Variants in RARB observed in about 807,000 individuals in gnomAD.
RARB encodes the protein HBV-activated protein.
RARB carries 17 observed loss-of-function variants against 51.9 expected under a neutral mutation model. The ratio of observed to expected loss-of-function variants is 0.33; its 90% confidence interval spans 0.22 to 0.49. The LOEUF (loss-of-function observed/expected upper bound fraction) is 0.49. Among genes scored for constraint, RARB ranks in the 20% least tolerant of loss-of-function variants. RARB has a pLI of 0.99. For synonymous variants in RARB, 215 were observed against 195.4 expected (o/e 1.10, Z -0.84); for missense variants, 369 against 550.8 (o/e 0.67, Z 3.30).
At chr3:24,941,571 C>T (rs899080320) in intron 2 of RARB, among the ~76,000 whole-genome samples, 2 of 151,992 alleles carry the variant, frequency 1.3e-5, no homozygotes, top group Admixed American at 6.6e-5. Flanking sequence ...GGTTTCCCCA[C>T]GTTGGCCAGG....
intron 5 of RARB, among the ~76,000 whole-genome samples, chr3:25,418,571 T>A (rs1407301775): frequency 1.3e-5 from 2 of 152,050 alleles, no homozygotes; most frequent in Non-Finnish European, 2.9e-5. Context: ...AGGTCTACCA[T>A]TTCTAGCCTC....
chr3:25,053,595 A>G (rs188358319), intron 2 of RARB, among the ~76,000 whole-genome samples: 1 of 152,186 alleles, frequency 6.6e-6, no homozygotes, highest in East Asian at 1.9e-4. Context: ...TGTGGAGGAA[A>G]ACAGTTACAA....
chr3:25,296,590 A>T (rs889462118), intron 5 of RARB, among the ~76,000 whole-genome samples: 1 of 152,210 alleles, frequency 6.6e-6, no homozygotes, highest in African/African-American at 2.4e-5. Flanking sequence ...TATTGTAATT[A>T]TTCAGTGGTA....
chr3:25,116,749 T>G (rs1375358023), intron 3 of RARB, among the ~76,000 whole-genome samples: 1 of 152,070 alleles, frequency 6.6e-6, no homozygotes, highest in African/African-American at 2.4e-5. Context: ...AACCAAAGCC[T>G]GCCTTTAAGT....
intron 2 of RARB, among the ~76,000 whole-genome samples, chr3:24,981,140 G>A (rs1435559585): frequency 6.6e-6 from 1 of 152,176 alleles, no homozygotes; most frequent in Non-Finnish European, 1.5e-5. Flanking sequence ...TCTTATGGAA[G>A]CTTCGTCCCA....
rs541235838 is a variant in RARB at position 25,168,210 on chromosome 3, T to C, written c.-279-5909T>C. Among the ~76,000 whole-genome samples the C allele has an allele frequency of 9.2e-5, 14 of 151,808 alleles. 1 individual carries two copies. In the South Asian group the frequency reaches 2.9e-3, roughly 32 times the overall value. ...TAAAACACTGAAAAGGACATTTCTCTTTTTTTTGTCTTTTTCTTTTTCTTT... is the reference window on the plus strand; with the variant it reads ...TAAAACACTGAAAAGGACATTTCTCCTTTTTTTGTCTTTTTCTTTTTCTTT... On this transcript the variant is annotated intron_variant, in intron 4 of 11. Coordinates refer to the RARB transcript ENST00000383772.
chr3:25,284,825 T>C (rs1703610382), intron 5 of RARB, among the ~76,000 whole-genome samples: 1 of 152,146 alleles, frequency 6.6e-6, no homozygotes, highest in Admixed American at 6.5e-5. Flanking sequence ...ATGCCAAAGC[T>C]AGGTACACAG....
chr3:24,953,982 A>G (rs943885820), intron 2 of RARB, among the ~76,000 whole-genome samples: 2 of 152,144 alleles, frequency 1.3e-5, no homozygotes, highest in African/African-American at 4.8e-5. Flanking sequence ...GAGCGCTCAG[A>G]TGAGTTTTGT....
At chr3:25,262,492 G>C (rs531423810) in intron 5 of RARB, among the ~76,000 whole-genome samples, 1 of 152,176 alleles carries the variant, frequency 6.6e-6, no homozygotes, top group African/African-American at 2.4e-5. Flanking sequence ...AGCAGGGCTC[G>C]TTCCTTTCTG....
chr3:24,849,725 G>A (rs1468049154), intron 1 of RARB, among the ~76,000 whole-genome samples: 1 of 152,234 alleles, frequency 6.6e-6, no homozygotes, highest in African/African-American at 2.4e-5. Context: ...ATGCTTGCAG[G>A]CCATTTTGAG....
chr3:25,442,116 TTTTATTTATTTATTTA>T (rs148774111), intron 1 of RARB, among the ~76,000 whole-genome samples: 7 of 147,744 alleles, frequency 4.7e-5, no homozygotes, highest in African/African-American at 1.5e-4. Flanking sequence ...TTTATTTTAT[TTTTATTTATTTATTTA>T]TTTATTTATT....
chr3:25,501,444 A>G, intron 3 of RARB, 121 bp downstream of exon 3: 1 of 1,218,656 alleles, frequency 8.2e-7, no homozygotes, highest in Non-Finnish European at 1.1e-6. Flanking sequence ...GTAGGTGTGA[A>G]TAGAGATGAC....
At chr3:25,042,365 T>A (rs1425627533) in intron 2 of RARB, among the ~76,000 whole-genome samples, 1 of 152,186 alleles carries the variant, frequency 6.6e-6, no homozygotes, top group Non-Finnish European at 1.5e-5. Context: ...TGAAACTGTG[T>A]CCAGAGCCAA....
intron 3 of RARB, among the ~76,000 whole-genome samples, chr3:25,081,880 G>GCCT (rs1218197159): frequency 1.3e-5 from 2 of 151,408 alleles, no homozygotes; most frequent in African/African-American, 2.4e-5. Flanking sequence ...TGATCCGCCT[G>GCCT]CCTTGGCCTC....
intron 2 of RARB, among the ~76,000 whole-genome samples, chr3:24,879,984 T>A (rs146086893): frequency 2.5e-3 from 271 of 108,218 alleles, no homozygotes; most frequent in African/African-American, 0.011. Context: ...TCACGAAAAC[T>A]GAAGCTCCAG....
Position 25,053,940 on chromosome 3 carries a change from G to C in RARB, c.-379-6185G>C, listed in dbSNP as rs4858140. Among the ~76,000 whole-genome samples, 1,179 of 152,184 alleles carry C rather than the reference G, an allele frequency of 7.7e-3. 67 individuals are homozygous for C. Among genetic ancestry groups the C allele is most frequent in the Admixed American group, 0.071 (1,081 of 15,286 alleles). On this transcript the variant is annotated intron_variant, in intron 2 of 11. Transcript: ENST00000383772. Reference sequence around the variant, plus strand: ...GGAAAGGAACATATGAAATCACAGGGCATTGTAATCCCATTCATCCTACAG... The same window carrying C: ...GGAAAGGAACATATGAAATCACAGGCCATTGTAATCCCATTCATCCTACAG...
At chr3:25,541,930 C>T (rs78003219) in intron 3 of RARB, among the ~76,000 whole-genome samples, 183 of 152,264 alleles carry the variant, frequency 1.2e-3, no homozygotes, top group Non-Finnish European at 2.2e-3. Context: ...TTTCCACCAT[C>T]TTTGCATAGC....
chr3:25,038,992 G>A (rs1698059249), intron 2 of RARB, among the ~76,000 whole-genome samples: 2 of 152,210 alleles, frequency 1.3e-5, no homozygotes, highest in African/African-American at 2.4e-5. Context: ...AGACAGAGGA[G>A]CAGCTACTTT....
At chr3:25,437,117 C>CTTTTTT (rs35238900) in intron 1 of RARB, among the ~76,000 whole-genome samples, 1 of 139,652 alleles carries the variant, frequency 7.2e-6, no homozygotes. Flanking sequence ...TAAAAGCAAA[C>CTTTTTT]TTTTTTTTTT....
Sources: gnomAD v4.1 joint callset for allele counts (sites outside exome capture counted in the v4.1 genomes callset) on GRCh38, gnomAD v4.1.1 for gene constraint, MANE v1.5 for transcripts, NCBI Gene and HGNC (gene_info 2026-07-23, HGNC 2026-07-21) for gene names.